TAS1R2: variants seen among roughly 807,000 people sequenced by gnomAD.
TAS1R2 encodes taste 1 receptor member 2, also known as taste receptor type 1 member 2.
TAS1R2 carries 47 observed loss-of-function variants against 49.3 expected under a neutral mutation model. The ratio of observed to expected loss-of-function variants is 0.95; its 90% CI spans 0.75 to 1.22. The LOEUF (loss-of-function observed/expected upper bound fraction) is 1.22, where lower values mean the gene tolerates loss of function less well. Among genes scored for constraint, TAS1R2 ranks in the 50% most tolerant of loss-of-function variants. The probability of loss-of-function intolerance (pLI) is 0.00; values close to 1 mark genes in which losing one functional copy is unlikely to be tolerated. For missense variants in TAS1R2, 1,155 were observed against 1,122.1 expected (o/e 1.03, Z -0.42); for synonymous variants, 479 against 467.9 (o/e 1.02, Z -0.31).
intron 2 of TAS1R2, 123 bp from the exon 3 acceptor site, chr1:18,855,109 GT>G: frequency 8.2e-7 from 1 of 1,224,110 alleles, no homozygotes; most frequent in Middle Eastern, 2.5e-4. Context: ...GGGGTAGGTG[GT>G]TTACACCATC....
At chr1:18,844,179 G>C (rs1198245437) in intron 4 of TAS1R2, among the ~76,000 whole-genome samples, 1 of 152,212 alleles carries the variant, frequency 6.6e-6, no homozygotes, top group African/African-American at 2.4e-5. Context: ...GATACTGCTT[G>C]TATGTGGAGA....
intron 3 of TAS1R2, among the ~76,000 whole-genome samples, chr1:18,852,152 A>G (rs1400117589): frequency 6.6e-6 from 1 of 152,228 alleles, no homozygotes; most frequent in Non-Finnish European, 1.5e-5. Flanking sequence ...TGTGGGGAAT[A>G]GCCAATAAAC....
exon 2 of TAS1R2, chr1:18,857,601 G>A (rs1934162423): frequency 1.2e-6 from 2 of 1,613,854 alleles, no homozygotes; most frequent in Admixed American, 1.7e-5. Context: ...TGGCCTGCAT[G>A]AGGTTGTAGC....
At chr1:18,841,784 G>A in exon 5 of TAS1R2, 1 of 1,614,052 alleles carries the variant, frequency 6.2e-7, no homozygotes, top group African/African-American at 1.3e-5. Context: ...CGAAGCAGCA[G>A]ACGTGGATGC....
intron 5 of TAS1R2, among the ~76,000 whole-genome samples, chr1:18,840,748 G>A (rs139356856): frequency 6.6e-6 from 1 of 152,358 alleles, no homozygotes; most frequent in East Asian, 1.9e-4. Flanking sequence ...GCCAGGTTAA[G>A]TAATTTGCCC....
Position 18,854,409 on chromosome 1 carries a change from C to A in TAS1R2, c.1061G>T (p.Ser354Ile). Residue 354 changes from serine to isoleucine, a missense_variant, in exon 3 of 6, where the codon AGC becomes ATC. By Grantham distance (142) the Ser-to-Ile change is moderately radical. Transcript: ENST00000375371. The surrounding 1 kb of genome is among the most constrained non-coding windows in gnomAD (Gnocchi z 4.9). ...CTCCTGGTTGCAGGTATAGCTCTGG[C>A]TGGTCCTGCTGAGGGGTGGCGGCCC... 1 of 1,613,978 alleles carries A rather than the reference C, an allele frequency of 6.2e-7. No individual in the cohort carries two copies. The highest frequency in any genetic ancestry group is 8.5e-7 in the Non-Finnish European group (1 of 1,179,946).
chr1:18,840,220 G>A, exon 6 of TAS1R2: 6 of 1,614,172 alleles, frequency 3.7e-6, no homozygotes, highest in Non-Finnish European at 5.1e-6. Flanking sequence ...AGAGGGCCTG[G>A]CGGCAGAGGC....
At chr1:18,855,789 A>T (rs1330643857) in intron 2 of TAS1R2, among the ~76,000 whole-genome samples, 1 of 152,136 alleles carries the variant, frequency 6.6e-6, no homozygotes, top group East Asian at 1.9e-4. Flanking sequence ...GCTGGTGATG[A>T]ATCCATCATT....
rs760016561 is a variant in TAS1R2 at position 18,841,855 on chromosome 1, G to A, written c.1468-3C>T. 2 of 1,592,690 alleles carry A rather than the reference G, an allele frequency of 1.3e-6. No individual in the cohort carries two copies. Among genetic ancestry groups the A allele is most frequent in the Non-Finnish European group, 1.7e-6 (2 of 1,163,266 alleles). ...TTGGAACACATGGACATAGGGATCT[G>A]GAGGGAGGAGGGCAAGAGACCCTGA... is the stretch of plus-strand genomic sequence containing the variant. On this transcript the variant is annotated splice_polypyrimidine_tract_variant and splice_region_variant and intron_variant, in intron 4 of 5. Transcript: ENST00000375371.
At chr1:18,857,820 C>T (rs755089647) in intron 1 of TAS1R2, among the ~76,000 whole-genome samples, 189 bp from the exon 2 acceptor site, 1 of 152,106 alleles carries the variant, frequency 6.6e-6, no homozygotes, top group Non-Finnish European at 1.5e-5. Context: ...GTCACCATTG[C>T]CCATATGGCC....
chr1:18,852,049 T>C (rs564642636), intron 3 of TAS1R2, among the ~76,000 whole-genome samples: 2 of 152,306 alleles, frequency 1.3e-5, no homozygotes, highest in South Asian at 4.1e-4. Context: ...TCACTGAGAA[T>C]CAACGCGAAG....
In TAS1R2 at chr1:18,849,565, G is replaced by A; in HGVS notation, c.1258-15C>T. ...TCCTCAAGCAGCTGGCGGGGTCAGA[G>A]GGAAGGGAAGTGGAGCTAGCATCAG... On this transcript the variant is annotated splice_polypyrimidine_tract_variant and intron_variant, in intron 3 of 5. Coordinates refer to ENST00000375371, the Ensembl canonical transcript of TAS1R2. 2 of 1,613,372 alleles carry A rather than the reference G, an allele frequency of 1.2e-6. No homozygotes were observed. Among genetic ancestry groups the A allele is most frequent in the Non-Finnish European group, 8.5e-7 (1 of 1,179,438 alleles).
intron 4 of TAS1R2, among the ~76,000 whole-genome samples, chr1:18,843,135 C>T (rs2100508131): frequency 6.6e-6 from 1 of 152,324 alleles, no homozygotes; most frequent in African/African-American, 2.4e-5. Context: ...TTTACTCTTT[C>T]ACTCTCGATC....
At chr1:18,841,689 G>T in intron 5 of TAS1R2, 40 bp downstream of exon 5, 1 of 1,580,884 alleles carries the variant, frequency 6.3e-7, no homozygotes, top group Non-Finnish European at 8.6e-7. Flanking sequence ...GCAGGGGCAG[G>T]GCAGGGGCAG....
chr1:18,844,835 G>A (rs1933888412), intron 4 of TAS1R2, among the ~76,000 whole-genome samples: 2 of 152,158 alleles, frequency 1.3e-5, no homozygotes, highest in South Asian at 4.2e-4. Context: ...CCACCCCAAG[G>A]CCTGCACAGA....
chr1:18,841,652 A>T (rs1933825410), intron 5 of TAS1R2, 77 bp downstream of exon 5: 1 of 1,534,262 alleles, frequency 6.5e-7, no homozygotes, highest in East Asian at 2.3e-5. Context: ...GCCAAGGAGG[A>T]CAAGCCCTAG....
chr1:18,854,552 G>T lies in TAS1R2; in HGVS notation c.918C>A (p.Ile306=). 1 of 1,613,632 alleles carries T rather than the reference G, an allele frequency of 6.2e-7. No homozygotes were observed. The stretch of plus-strand genomic sequence containing the variant: ...CCGTGAGGTTGTGCAGGACCGGGTC[G>T]ATGGCCCAGGACTCGGAGGCGATCC... The change falls in exon 3 of 6, where the codon ATC becomes ATA. Residue 306 remains isoleucine (I), a synonymous_variant. Transcript: ENST00000375371. The surrounding 1 kb of genome is among the most constrained non-coding windows in gnomAD (Gnocchi z 4.9).
At chr1:18,857,410 A>T (rs1934155708) in exon 2 of TAS1R2, 2 of 1,614,110 alleles carry the variant, frequency 1.2e-6, no homozygotes, top group South Asian at 2.2e-5. Context: ...GACAGCCACC[A>T]CACGGGAAAT....
In TAS1R2 at chr1:18,839,877, T is replaced by C. The variant is rs751789754; in HGVS notation, c.2242A>G (p.Met748Val). The C allele has an allele frequency of 2.6e-5, 42 of 1,614,048 alleles. No homozygotes were observed. The highest frequency in any genetic ancestry group is 3.3e-5 in the Non-Finnish European group (39 of 1,180,024). The stretch of plus-strand genomic sequence containing the variant: ...TAGTTGGTGGGCAGCTCTTTGCCCA[T>C]GTAGGCGAAGCTGAAACCCACCACT... The change falls in exon 6 of 6, where the codon ATG (methionine) becomes GTG (valine). Residue 748 changes from methionine (M) to valine (V), a missense_variant. Coordinates refer to ENST00000375371, the Ensembl canonical transcript of TAS1R2.
Sources: gnomAD v4.1 joint callset for allele counts (sites outside exome capture counted in the v4.1 genomes callset) on GRCh38, gnomAD v4.1.1 for gene constraint, Gnocchi (gnomAD v3.1) non-coding constraint, MANE v1.5 for transcripts, NCBI Gene and HGNC (gene_info 2026-07-23, HGNC 2026-07-21) for gene names.